ALDH1A1: variants seen among roughly 807,000 people sequenced by gnomAD.
The protein encoded by ALDH1A1 is aldehyde dehydrogenase 1A1.
ALDH1A1 carries 19 observed loss-of-function variants against 62.1 expected under a neutral mutation model. That is an observed-to-expected ratio of 0.31 (90% CI 0.21 to 0.45). The LOEUF (loss-of-function observed/expected upper bound fraction) is 0.45. ALDH1A1 is among the 20% of genes least tolerant of loss of function. The pLI is 1.00. For synonymous variants in ALDH1A1, 231 were observed against 215.9 expected, an observed-to-expected ratio of 1.07 and a Z score of -0.61; for missense variants, 521 against 607.1, an observed-to-expected ratio of 0.86 and a Z score of 1.49.
In ALDH1A1 at chr9:72,943,166, CT is replaced by C. The variant is rs1473684372; in HGVS notation, c.67-2915del. Among the ~76,000 whole-genome samples the C allele has an allele frequency of 2.6e-5, 4 of 152,068 alleles. No individual in the cohort carries two copies. The South Asian group carries it at 8.3e-4, about 31-fold the overall frequency. ...TTTGGCAGAGATCCAGAATTTCACC[CT>C]TCTACAATGTAATTTCATTAAAAAT... On this transcript the variant is annotated intron_variant, in intron 1 of 12. Coordinates refer to ENST00000297785, the MANE Select transcript of ALDH1A1 (RefSeq NM_000689.5).
chr9:72,934,366 A>G (rs1409691130), intron 2 of ALDH1A1, among the ~76,000 whole-genome samples: 2 of 152,162 alleles, frequency 1.3e-5, no homozygotes, highest in Non-Finnish European at 2.9e-5. Flanking sequence ...CTTGGCTACT[A>G]TCACCAGGCT....
intron 2 of ALDH1A1, among the ~76,000 whole-genome samples, chr9:72,931,239 G>T (rs1197806013): frequency 1.3e-5 from 2 of 152,146 alleles, no homozygotes. Context: ...AGCACATGCT[G>T]GATTTCCTAG....
intron 1 of ALDH1A1, 79 bp from the exon 2 acceptor site, chr9:72,940,331 A>C: frequency 2.0e-6 from 2 of 1,011,316 alleles, no homozygotes; most frequent in Non-Finnish European, 3.1e-6. Flanking sequence ...ACTTAAACTA[A>C]AGCATTTCAC....
intron 3 of ALDH1A1, among the ~76,000 whole-genome samples, 183 bp downstream of exon 3, chr9:72,930,696 T>G (rs1830269800): frequency 6.6e-6 from 1 of 152,208 alleles, no homozygotes; most frequent in South Asian, 2.1e-4. Context: ...CATCCAGAAT[T>G]GAAATGCAGA....
intron 2 of ALDH1A1, among the ~76,000 whole-genome samples, chr9:72,934,607 A>T (rs1342761243): frequency 6.6e-6 from 1 of 152,124 alleles, no homozygotes; most frequent in African/African-American, 2.4e-5. Flanking sequence ...TTATACCAGT[A>T]TACTCCCTTA....
intron 9 of ALDH1A1, among the ~76,000 whole-genome samples, chr9:72,914,508 T>C (rs1830035465): frequency 6.6e-6 from 1 of 152,176 alleles, no homozygotes; most frequent in Non-Finnish European, 1.5e-5. Flanking sequence ...TTAAATCCTA[T>C]ATAACTGTAA....
chr9:72,943,867 C>T (rs914248450), intron 1 of ALDH1A1, among the ~76,000 whole-genome samples: 3 of 151,436 alleles, frequency 2.0e-5, no homozygotes, highest in South Asian at 4.2e-4. Context: ...GCCAAAGCAG[C>T]GGTGTTGTCA....
At chr9:72,938,116 G>A (rs2118562093) in intron 2 of ALDH1A1, among the ~76,000 whole-genome samples, 1 of 152,184 alleles carries the variant, frequency 6.6e-6, no homozygotes. Context: ...CTAAAGTAAT[G>A]GAAAAGACTG....
chr9:72,919,459 C>G (rs1356262482), intron 7 of ALDH1A1, among the ~76,000 whole-genome samples: 1 of 152,162 alleles, frequency 6.6e-6, no homozygotes, highest in Non-Finnish European at 1.5e-5. Context: ...TCCTTAAATC[C>G]TTCTCTGATG....
At chr9:72,934,337 T>C (rs1207166405) in intron 2 of ALDH1A1, among the ~76,000 whole-genome samples, 1 of 152,188 alleles carries the variant, frequency 6.6e-6, no homozygotes, top group Non-Finnish European at 1.5e-5. Context: ...AAGTTCATTC[T>C]CTTCTCTCCT....
chr9:72,932,410 A>C (rs1019039219), intron 2 of ALDH1A1, among the ~76,000 whole-genome samples: 1 of 152,208 alleles, frequency 6.6e-6, no homozygotes, highest in Admixed American at 6.5e-5. Context: ...TCTGTGAATT[A>C]AAATACAAAA....
At chr9:72,931,294 C>G (rs181549185) in intron 2 of ALDH1A1, among the ~76,000 whole-genome samples, 17 of 152,330 alleles carry the variant, frequency 1.1e-4, no homozygotes, top group African/African-American at 4.1e-4. Flanking sequence ...CATCTGAGTG[C>G]TTGCCCTGTT....
chr9:72,927,317 A>T, intron 4 of ALDH1A1, 140 bp from the exon 5 acceptor site: 1 of 537,980 alleles, frequency 1.9e-6, no homozygotes. Context: ...TCACGCCTGT[A>T]ATCCCAGCAC....
At chr9:72,930,810 A>T in intron 3 of ALDH1A1, 69 bp downstream of exon 3, 5 of 1,592,838 alleles carry the variant, frequency 3.1e-6, no homozygotes, top group Non-Finnish European at 4.3e-6. Context: ...AAATCAAAAC[A>T]ACTTGCCATT....
chr9:72,939,387 A>G (rs1294470773), intron 2 of ALDH1A1, among the ~76,000 whole-genome samples: 1 of 152,200 alleles, frequency 6.6e-6, no homozygotes, highest in Non-Finnish European at 1.5e-5. Flanking sequence ...ATTCTATAAT[A>G]TAATTTTTAC....
chr9:72,925,406 G>C, intron 6 of ALDH1A1, 78 bp downstream of exon 6: 1 of 1,518,616 alleles, frequency 6.6e-7, no homozygotes, highest in Non-Finnish European at 9.0e-7. Flanking sequence ...GTACTTTATA[G>C]TAGCAACAAA....
intron 9 of ALDH1A1, 146 bp from the exon 10 acceptor site, chr9:72,912,268 T>G: frequency 3.1e-6 from 2 of 645,842 alleles, no homozygotes; most frequent in Non-Finnish European, 2.6e-6. Context: ...GAGGTTCAGA[T>G]TCATTCTTTG....
chr9:72,951,768 C>A (rs1441996593), intron 1 of ALDH1A1, among the ~76,000 whole-genome samples: 1 of 151,864 alleles, frequency 6.6e-6, no homozygotes, highest in South Asian at 2.1e-4. Context: ...TGGAAAAAAT[C>A]TTTCCTCTTT....
chr9:72,901,128 T>C lies in ALDH1A1; in HGVS notation c.*80A>G, dbSNP rs1298007412. On this transcript the variant is annotated 3_prime_UTR_variant, in exon 13 of 13. Coordinates refer to ENST00000297785, the MANE Select transcript of ALDH1A1 (RefSeq NM_000689.5). ...AAAAAAATCAAGAAAAGAAAAATTTTGTCTTTAAAATCTACTATATTAGTG... is the reference window on the plus strand; with the variant it reads ...AAAAAAATCAAGAAAAGAAAAATTTCGTCTTTAAAATCTACTATATTAGTG... The C allele has an allele frequency of 1.8e-6, 2 of 1,083,762 alleles. No individual in the cohort carries two copies. Among genetic ancestry groups the C allele is most frequent in the South Asian group, 3.2e-5 (2 of 63,036 alleles). The allele number at this position is 1,083,762 out of a possible 1,614,324, so 67.1% of individuals were successfully genotyped here. A position where few individuals can be genotyped will look rare whatever the true frequency, so the allele number is the denominator to read the frequency against.
Sources: gnomAD v4.1 joint callset for allele counts (sites outside exome capture counted in the v4.1 genomes callset) on GRCh38, gnomAD v4.1.1 for gene constraint, MANE v1.5 for transcripts, NCBI Gene and HGNC (gene_info 2026-07-23, HGNC 2026-07-21) for gene names.